Variants in IRGM observed in about 807,000 individuals in gnomAD.
The protein encoded by IRGM is immunity-related GTPase family M protein.
For missense variants in IRGM, 288 were observed against 219.9 expected, an observed-to-expected ratio of 1.31 and a Z score of -1.96; for synonymous variants, 98 against 80.6, an observed-to-expected ratio of 1.22 and a Z score of -1.16.
chr5:150,860,902 A>C (rs1465900858), intron 1 of IRGM, among the ~76,000 whole-genome samples: 1 of 152,160 alleles, frequency 6.6e-6, no homozygotes, highest in Non-Finnish European at 1.5e-5. Context: ...TTTTCAGAGT[A>C]TATTACATGA....
intron 1 of IRGM, among the ~76,000 whole-genome samples, chr5:150,856,927 A>G (rs1318469354): frequency 7.3e-6 from 1 of 137,030 alleles, no homozygotes; most frequent in Non-Finnish European, 1.5e-5. Context: ...ATTATTTATT[A>G]TTTATTATTT....
intron 1 of IRGM, among the ~76,000 whole-genome samples, chr5:150,861,450 G>T (rs1444010543): frequency 1.3e-5 from 2 of 152,206 alleles, no homozygotes; most frequent in African/African-American, 4.8e-5. Flanking sequence ...AAGTCACAGG[G>T]CAGGGTCAGA....
At chr5:150,880,519 T>C (rs1027233199) in intron 3 of IRGM, among the ~76,000 whole-genome samples, 6 of 152,206 alleles carry the variant, frequency 3.9e-5, no homozygotes, top group African/African-American at 9.6e-5. Context: ...TGTGATAGTT[T>C]GCCCTATGCA....
chr5:150,853,172 ATTTTTC>A (rs1754000436), downstream of IRGM, among the ~76,000 whole-genome samples: 1 of 151,732 alleles, frequency 6.6e-6, no homozygotes, highest in African/African-American at 2.4e-5. Flanking sequence ...GTTTTTTCTA[ATTTTTC>A]TTATTTAACC....
intron 1 of IRGM, among the ~76,000 whole-genome samples, chr5:150,873,466 C>G (rs2113279620): frequency 6.6e-6 from 1 of 152,220 alleles, no homozygotes; most frequent in South Asian, 2.1e-4. Context: ...GGCCTTTTAC[C>G]AGGATAACTA....
At chr5:150,900,421 C>A (rs1250165849) in intron 3 of IRGM, among the ~76,000 whole-genome samples, 2 of 152,092 alleles carry the variant, frequency 1.3e-5, no homozygotes, top group Non-Finnish European at 2.9e-5. Context: ...ATCATTTAAG[C>A]CTATTACCTA....
In IRGM at chr5:150,890,455, TTTC is replaced by T. The variant is rs559470590; in HGVS notation, c.*141-10131_*141-10129del. ...CTCAAACAGTCAGCTTTTGATGTAT[TTTC>T]TTTTTTTCTATTTAATTTATGCTTT... On this transcript the variant is annotated intron_variant and NMD_transcript_variant, in intron 3 of 3. Coordinates refer to the IRGM transcript ENST00000520549. Among the ~76,000 whole-genome samples the T allele has an allele frequency of 2.3e-3, 347 of 151,940 alleles. 2 individuals carry two copies. The highest frequency in any genetic ancestry group is 8.1e-3 in the African/African-American group (334 of 41,424).
rs529147961 is a variant in IRGM, at chr5:150,897,962, T to C, written c.*141-2627T>C. The C allele has an allele frequency of 1.1e-5, 16 of 1,449,644 alleles. No individual in the cohort carries two copies. In the African/African-American group the frequency reaches 2.3e-4, roughly 21 times the overall value. The allele number at this position is 1,449,644 out of a possible 1,614,324, so 89.8% of individuals were successfully genotyped here. A position where few individuals can be genotyped will look rare whatever the true frequency, so the allele number is the denominator to read the frequency against. ...ATTACTTGTTGAGTGACTACTAAAT[T>C]CTCAGCATAGAAGCAAAGAATAGGA... On this transcript the variant is annotated intron_variant and NMD_transcript_variant, in intron 3 of 3. Coordinates refer to the IRGM transcript ENST00000520549.
intron 3 of IRGM, among the ~76,000 whole-genome samples, chr5:150,891,912 C>CA (rs1340236925): frequency 4.0e-5 from 6 of 151,704 alleles, no homozygotes; most frequent in South Asian, 4.1e-4. Flanking sequence ...GGCAAACTAG[C>CA]AAAAAAAGAG....
chr5:150,883,790 T>C (rs1754478374), intron 3 of IRGM, among the ~76,000 whole-genome samples: 1 of 151,962 alleles, frequency 6.6e-6, no homozygotes, highest in African/African-American at 2.4e-5. Flanking sequence ...GATGGCTTCA[T>C]TACTAAATTC....
intron 1 of IRGM, among the ~76,000 whole-genome samples, chr5:150,863,142 A>G (rs1280663948): frequency 6.6e-6 from 1 of 152,222 alleles, no homozygotes; most frequent in African/African-American, 2.4e-5. Flanking sequence ...GTGTCTGTCA[A>G]ATTTAGAAAA....
rs750336670 is a variant in IRGM, at chr5:150,895,665, T to A, written c.*141-4924T>A. 47 of 1,613,288 alleles carry A rather than the reference T, an allele frequency of 2.9e-5. No individual in the cohort carries two copies. Among genetic ancestry groups the A allele is most frequent in the Non-Finnish European group, 3.9e-5 (46 of 1,179,706 alleles). On this transcript the variant is annotated intron_variant and NMD_transcript_variant, in intron 3 of 3. Transcript: ENST00000520549. ...CTTCTGAGAGAAGGCTTTCCCACAT[T>A]CAGTACATATATAAGGTTTTTCTCC...
intron 1 of IRGM, among the ~76,000 whole-genome samples, chr5:150,877,068 T>C (rs1187346328): frequency 6.6e-6 from 1 of 152,234 alleles, no homozygotes; most frequent in African/African-American, 2.4e-5. Context: ...AGTTGCATTA[T>C]GTTAGGTGTA....
At chr5:150,893,265 G>A (rs1326687838) in intron 3 of IRGM, among the ~76,000 whole-genome samples, 1 of 152,080 alleles carries the variant, frequency 6.6e-6, no homozygotes, top group African/African-American at 2.4e-5. Flanking sequence ...GTAATTATCA[G>A]TTTTCAGATT....
At chr5:150,881,183 G>A (rs1456981181) in intron 3 of IRGM, among the ~76,000 whole-genome samples, 1 of 151,520 alleles carries the variant, frequency 6.6e-6, no homozygotes, top group Non-Finnish European at 1.5e-5. Context: ...AAGGCCAAAG[G>A]TCTCCCCAGA....
chr5:150,858,123 C>T (rs1052371748), intron 1 of IRGM, among the ~76,000 whole-genome samples: 2 of 152,210 alleles, frequency 1.3e-5, no homozygotes, highest in African/African-American at 4.8e-5. Flanking sequence ...GGAAGGGATC[C>T]AGTTTCAGCT....
intron 3 of IRGM, chr5:150,896,874 C>G (rs372982888): frequency 1.2e-6 from 2 of 1,613,472 alleles, no homozygotes; most frequent in African/African-American, 2.7e-5. Flanking sequence ...TAAAATGGAG[C>G]ACAATGAACC....
chr5:150,892,142 G>A (rs1471452360), intron 3 of IRGM, among the ~76,000 whole-genome samples: 1 of 151,566 alleles, frequency 6.6e-6, no homozygotes, highest in Non-Finnish European at 1.5e-5. Flanking sequence ...AGTCATTTTT[G>A]AACACTAAAA....
At chr5:150,882,304 G>A (rs1430368120) in intron 3 of IRGM, among the ~76,000 whole-genome samples, 1 of 150,864 alleles carries the variant, frequency 6.6e-6, no homozygotes, top group East Asian at 1.9e-4. Context: ...AAGAGAGGAA[G>A]AAAGGAACAA....
Sources: allele counts gnomAD v4.1 joint callset (sites outside exome capture counted in the v4.1 genomes callset), GRCh38; gene constraint gnomAD v4.1.1; transcripts MANE v1.5; gene names NCBI Gene and HGNC (gene_info 2026-07-23, HGNC 2026-07-21).